The following CSMD3 variants were observed in gnomAD, a reference collection of about 807,000 sequenced individuals.
The protein encoded by CSMD3 is CUB and Sushi multiple domains 3, also known as CUB and sushi domain-containing protein 3.
In CSMD3, 177 loss-of-function variants were observed where a neutral mutation model predicts 435.2. That is an observed-to-expected ratio of 0.41 (90% CI 0.36 to 0.46). The LOEUF (loss-of-function observed/expected upper bound fraction) is 0.46. CSMD3 is among the 20% of genes least tolerant of loss of function. The pLI is 0.34. For synonymous variants in CSMD3, 1,656 were observed against 1,520.5 expected (o/e 1.09, Z -2.07); for missense variants, 4,265 against 4,504.6 (o/e 0.95, Z 1.52).
intron 59 of CSMD3, among the ~76,000 whole-genome samples, chr8:112,276,560 A>G (rs1818060121): frequency 6.6e-6 from 1 of 151,832 alleles, no homozygotes; most frequent in East Asian, 2.0e-4. Context: ...GGAGGAAAAA[A>G]CGGTTTCATG....
At chr8:112,371,672 G>A (rs561885258) in intron 38 of CSMD3, among the ~76,000 whole-genome samples, 3 of 152,162 alleles carry the variant, frequency 2.0e-5, no homozygotes, top group Non-Finnish European at 2.9e-5. Flanking sequence ...GGCGTATTAC[G>A]AGGTCAGGAG....
intron 1 of CSMD3, among the ~76,000 whole-genome samples, chr8:113,350,000 G>A (rs2094178876): frequency 6.6e-6 from 1 of 152,000 alleles, no homozygotes; most frequent in Admixed American, 6.6e-5. Context: ...ATGGTCTTAA[G>A]AGTCTAGAGT....
At chr8:113,062,683 T>A (rs1404749953) in intron 5 of CSMD3, among the ~76,000 whole-genome samples, 1 of 151,818 alleles carries the variant, frequency 6.6e-6, no homozygotes, top group East Asian at 1.9e-4. Context: ...CATATTTACT[T>A]TATATTCAAA....
At chr8:112,292,733 C>CAGGGA (rs753936971) in intron 54 of CSMD3, 23 bp from the exon 55 acceptor site, 2 of 1,608,584 alleles carry the variant, frequency 1.2e-6, no homozygotes, top group Non-Finnish European at 8.5e-7. Context: ...GGCAGGAGGA[C>CAGGGA]AGGGAAGGAA....
chr8:112,400,348 C>T (rs575283617), intron 35 of CSMD3, among the ~76,000 whole-genome samples: 6 of 152,196 alleles, frequency 3.9e-5, no homozygotes, highest in Middle Eastern at 3.4e-3. Flanking sequence ...TGGTCATCTC[C>T]TAATGGCCCC....
intron 3 of CSMD3, among the ~76,000 whole-genome samples, chr8:113,188,794 A>C (rs1477377334): frequency 6.6e-6 from 1 of 151,926 alleles, no homozygotes; most frequent in Non-Finnish European, 1.5e-5. Context: ...AAGCATGTGG[A>C]AGTGAGACTA....
chr8:113,130,113 T>A (rs1298664137), intron 4 of CSMD3, among the ~76,000 whole-genome samples: 2 of 152,058 alleles, frequency 1.3e-5, no homozygotes, highest in African/African-American at 4.8e-5. Context: ...AGCACAGTAA[T>A]GTGCTTAGTA....
intron 14 of CSMD3, among the ~76,000 whole-genome samples, chr8:112,689,416 T>C (rs2131821443): frequency 6.6e-6 from 1 of 152,142 alleles, no homozygotes; most frequent in East Asian, 1.9e-4. Context: ...TATAAAAAAA[T>C]GGCACCTCAT....
chr8:112,885,084 T>G (rs1457115587), intron 10 of CSMD3, among the ~76,000 whole-genome samples: 1 of 151,772 alleles, frequency 6.6e-6, no homozygotes, highest in South Asian at 2.1e-4. Flanking sequence ...TTACTTCTAC[T>G]GCCTTTTCTT....
intron 1 of CSMD3, among the ~76,000 whole-genome samples, chr8:113,378,807 T>C (rs1373175256): frequency 6.9e-6 from 1 of 145,258 alleles, no homozygotes; most frequent in African/African-American, 2.7e-5. Context: ...TACTGGCATC[T>C]AGTGGATAGA....
intron 23 of CSMD3, among the ~76,000 whole-genome samples, chr8:112,586,138 T>C (rs927221254): frequency 2.0e-5 from 3 of 151,582 alleles, no homozygotes; most frequent in African/African-American, 7.2e-5. Context: ...TACCATGAAA[T>C]AATATTTTTT....
At chr8:113,372,700 G>A (rs558079776) in intron 1 of CSMD3, among the ~76,000 whole-genome samples, 141 of 152,210 alleles carry the variant, frequency 9.3e-4, no homozygotes, top group African/African-American at 3.3e-3. Flanking sequence ...TTGGGAGGCC[G>A]AGGCGGGTGG....
chr8:112,298,066 C>CAAAAAAAAA (rs35232021), intron 53 of CSMD3, among the ~76,000 whole-genome samples: 2 of 93,586 alleles, frequency 2.1e-5, no homozygotes, highest in Admixed American at 2.6e-4. Flanking sequence ...TGCCATTGCA[C>CAAAAAAAAA]AAAAAAAAAA....
Position 112,224,928 on chromosome 8 carries a change from G to A in CSMD3, c.10967C>T (p.Thr3656Ile), listed in dbSNP as rs2129766447. 1 of 1,613,864 alleles carries A rather than the reference G, an allele frequency of 6.2e-7. No individual in the cohort carries two copies. The highest frequency in any genetic ancestry group is 8.5e-7 in the Non-Finnish European group (1 of 1,179,770). The change falls in exon 71 of 71, where the codon ACT becomes ATT. Residue 3656 changes from threonine to isoleucine, a missense_variant and splice_region_variant. Around this residue, in one of 3 missense-constraint regions of CSMD3, gnomAD observed 3,255 missense variants for 3,380.2 expected, o/e 0.96. Transcript: ENST00000297405. ...TCCTGTATACTGTGTTTTAGGTGCA[G>A]TCCTGTTGATGAGAACATTGATTAG... Reference protein sequence around the residue: ...GFGFYLYKQRTAPKTQYTGCS... With the variant: ...GFGFYLYKQRIAPKTQYTGCS...
chr8:113,215,460 T>C (rs1267433565), intron 3 of CSMD3, among the ~76,000 whole-genome samples: 1 of 151,898 alleles, frequency 6.6e-6, no homozygotes, highest in African/African-American at 2.4e-5. Flanking sequence ...AAATTGCTAA[T>C]CAAACTGGAA....
At chr8:113,180,277 C>T (rs963621556) in intron 3 of CSMD3, among the ~76,000 whole-genome samples, 4 of 151,888 alleles carry the variant, frequency 2.6e-5, no homozygotes, top group African/African-American at 9.7e-5. Flanking sequence ...AATCCATTTT[C>T]CAAATTTTTT....
At chr8:113,071,587 T>C (rs2089123986) in intron 5 of CSMD3, among the ~76,000 whole-genome samples, 1 of 151,982 alleles carries the variant, frequency 6.6e-6, no homozygotes, top group Admixed American at 6.6e-5. Flanking sequence ...CCCCATTGTG[T>C]GTTCTTGGCA....
intron 9 of CSMD3, among the ~76,000 whole-genome samples, chr8:112,944,307 C>A (rs2083538684): frequency 6.6e-6 from 1 of 151,644 alleles, no homozygotes; most frequent in South Asian, 2.1e-4. Flanking sequence ...CTCTGTCTTC[C>A]TTTCTATTAG....
At chr8:112,333,701 A>T (rs1449050893) in intron 45 of CSMD3, among the ~76,000 whole-genome samples, 1 of 135,008 alleles carries the variant, frequency 7.4e-6, no homozygotes, top group East Asian at 2.1e-4. Context: ...CACAACACTG[A>T]CATCCTTTCC....
Sources: allele counts gnomAD v4.1 joint callset (sites outside exome capture counted in the v4.1 genomes callset), GRCh38; gene constraint gnomAD v4.1.1; regional missense constraint gnomAD v4.1.1; transcripts MANE v1.5; gene names NCBI Gene and HGNC (gene_info 2026-07-23, HGNC 2026-07-21).